COL25A1: variants seen among roughly 807,000 people sequenced by gnomAD.
The protein encoded by COL25A1 is collagen alpha-1(XXV) chain.
Under a neutral mutation model 128.4 loss-of-function variants are expected in COL25A1, and 103 were observed. That is an observed-to-expected ratio of 0.80 (90% confidence interval 0.68 to 0.94). The LOEUF (loss-of-function observed/expected upper bound fraction) is 0.94, where lower values mean the gene tolerates loss of function less well. COL25A1 is among the 40% of genes least tolerant of loss of function. The pLI is 0.00. For synonymous variants in COL25A1, 279 were observed against 277.2 expected (o/e 1.01, Z -0.06); for missense variants, 745 against 840.0 (o/e 0.89, Z 1.40).
At chr4:109,185,831 C>T (rs1775081739) in intron 3 of COL25A1, among the ~76,000 whole-genome samples, 1 of 152,098 alleles carries the variant, frequency 6.6e-6, no homozygotes, top group South Asian at 2.1e-4. Context: ...TCTCCATCAC[C>T]AGAGCACACA....
At chr4:108,929,546 T>C (rs1746476939) in intron 11 of COL25A1, among the ~76,000 whole-genome samples, 1 of 152,094 alleles carries the variant, frequency 6.6e-6, no homozygotes, top group Admixed American at 6.6e-5. Flanking sequence ...CATATATAAA[T>C]ATAAAAAGAT....
chr4:108,886,047 C>T (rs1740733129), intron 18 of COL25A1, among the ~76,000 whole-genome samples: 1 of 152,162 alleles, frequency 6.6e-6, no homozygotes, highest in Admixed American at 6.5e-5. Context: ...AGATTGACTA[C>T]TTACAGAGAT....
intron 6 of COL25A1, among the ~76,000 whole-genome samples, chr4:108,985,371 C>G (rs879479924): frequency 2.6e-5 from 4 of 152,210 alleles, no homozygotes; most frequent in Admixed American, 6.5e-5. Context: ...CAAGGGGAAG[C>G]AAAGCTGCCT....
At chr4:108,826,917 G>A (rs1310868754) in intron 33 of COL25A1, among the ~76,000 whole-genome samples, 1 of 152,152 alleles carries the variant, frequency 6.6e-6, no homozygotes, top group Admixed American at 6.5e-5. Context: ...TGTCAATCTC[G>A]TGAAGTGCCT....
intron 3 of COL25A1, among the ~76,000 whole-genome samples, chr4:109,218,363 T>TGTTTG: frequency 2.2e-5 from 3 of 135,762 alleles, no homozygotes; most frequent in African/African-American, 8.6e-5. Flanking sequence ...TGGGGTTTTT[T>TGTTTG]TTTTTTTTTT....
Position 108,889,752 on chromosome 4 carries a change from G to A in COL25A1, c.907-19C>T. The A allele has an allele frequency of 1.2e-6, 2 of 1,610,830 alleles. No individual in the cohort carries two copies. The highest frequency in any genetic ancestry group is 1.7e-6 in the Non-Finnish European group (2 of 1,177,250). The stretch of plus-strand genomic sequence containing the variant: ...GGTCACCCTAAAACGAAACCCAGGA[G>A]AGATTATCTCACAAGTTATGGGAAT... On this transcript the variant is annotated intron_variant, in intron 16 of 37. Coordinates refer to ENST00000399132, the MANE Select transcript of COL25A1 (RefSeq NM_198721.4).
chr4:109,243,262 G>A (rs1780027285), intron 3 of COL25A1, among the ~76,000 whole-genome samples: 1 of 151,902 alleles, frequency 6.6e-6, no homozygotes, highest in African/African-American at 2.4e-5. Flanking sequence ...CTCTCTGTTC[G>A]ACTCCATGCA....
intron 3 of COL25A1, among the ~76,000 whole-genome samples, chr4:109,150,124 T>C (rs1771360607): frequency 6.6e-6 from 1 of 151,988 alleles, no homozygotes; most frequent in Non-Finnish European, 1.5e-5. Flanking sequence ...ATAGTCTGTA[T>C]TGTCTCTAAC....
chr4:109,166,521 A>G (rs1773087951), intron 3 of COL25A1, among the ~76,000 whole-genome samples: 1 of 152,202 alleles, frequency 6.6e-6, no homozygotes, highest in East Asian at 1.9e-4. Context: ...TCCCAAACAA[A>G]AACAAGCCAT....
chr4:108,974,710 C>T (rs545281932), intron 6 of COL25A1, 151 bp from the exon 7 acceptor site: 5 of 623,090 alleles, frequency 8.0e-6, no homozygotes, highest in Non-Finnish European at 1.4e-5. Context: ...AAACTATAAT[C>T]ATATTAGAAT....
intron 11 of COL25A1, among the ~76,000 whole-genome samples, chr4:108,934,640 T>C (rs189122470): frequency 1.8e-3 from 275 of 152,300 alleles, no homozygotes; most frequent in African/African-American, 6.1e-3. Flanking sequence ...GATAGATTTT[T>C]AGATTGGAGA....
chr4:108,884,137 T>C (rs747486327), intron 19 of COL25A1, 41 bp downstream of exon 19: 1 of 1,602,420 alleles, frequency 6.2e-7, no homozygotes, highest in Non-Finnish European at 8.5e-7. Context: ...AATCTCATAA[T>C]TACAGTTCTG....
intron 3 of COL25A1, among the ~76,000 whole-genome samples, chr4:109,265,535 G>A (rs1441800144): frequency 1.3e-5 from 2 of 148,332 alleles, no homozygotes; most frequent in African/African-American, 5.0e-5. Context: ...GTGTGTGTGT[G>A]TGTGTGTGTG....
At chr4:108,938,617 G>C (rs994352921) in intron 10 of COL25A1, among the ~76,000 whole-genome samples, 3 of 152,162 alleles carry the variant, frequency 2.0e-5, no homozygotes, top group Non-Finnish European at 4.4e-5. Flanking sequence ...TCCACTTTGG[G>C]AGGCCGAGGT....
intron 3 of COL25A1, among the ~76,000 whole-genome samples, chr4:109,298,251 T>G (rs925342242): frequency 1.3e-5 from 2 of 152,152 alleles, no homozygotes; most frequent in African/African-American, 4.8e-5. Context: ...AGGTTCCTTT[T>G]TGTGCATAAA....
intron 11 of COL25A1, among the ~76,000 whole-genome samples, chr4:108,922,889 T>C (rs1730787215): frequency 6.6e-6 from 1 of 152,182 alleles, no homozygotes; most frequent in Admixed American, 6.5e-5. Flanking sequence ...TTACCAGAAA[T>C]GTGCATATAC....
intron 13 of COL25A1, among the ~76,000 whole-genome samples, chr4:108,906,445 C>T (rs1448820117): frequency 6.6e-6 from 1 of 152,184 alleles, no homozygotes; most frequent in Non-Finnish European, 1.5e-5. Flanking sequence ...ACCACCACTC[C>T]CTATAAAGGC....
At chr4:108,875,829 G>T (rs968897236) in intron 19 of COL25A1, among the ~76,000 whole-genome samples, 2 of 152,098 alleles carry the variant, frequency 1.3e-5, no homozygotes, top group East Asian at 1.9e-4. Flanking sequence ...CCATCAATGA[G>T]AGACTGGATT....
At chr4:109,233,507 C>G (rs1216871375) in intron 3 of COL25A1, among the ~76,000 whole-genome samples, 9 of 149,614 alleles carry the variant, frequency 6.0e-5, no homozygotes, top group Admixed American at 5.3e-4. Context: ...AAAGTCATAT[C>G]TAATTCCATT....
Sources: gnomAD v4.1 joint callset for allele counts (sites outside exome capture counted in the v4.1 genomes callset) on GRCh38, gnomAD v4.1.1 for gene constraint, MANE v1.5 for transcripts, NCBI Gene and HGNC (gene_info 2026-07-23, HGNC 2026-07-21) for gene names.